Variants in GNB4 observed in about 807,000 individuals in gnomAD.
GNB4 encodes the protein guanine nucleotide-binding protein subunit beta-4.
GNB4 carries 28 observed loss-of-function variants against 45.2 expected under a neutral mutation model. The ratio of observed to expected loss-of-function variants is 0.62; its 90% confidence interval spans 0.46 to 0.85. The LOEUF (loss-of-function observed/expected upper bound fraction) is 0.85, where lower values mean the gene tolerates loss of function less well. Among genes scored for constraint, GNB4 ranks in the 40% least tolerant of loss-of-function variants. The pLI is 0.00. For synonymous variants in GNB4, 132 were observed against 143.7 expected (o/e 0.92, Z 0.58); for missense variants, 321 against 425.4 (o/e 0.75, Z 2.16).
At chr3:179,508,918 CTCTT>C in the GNB4 span, among the ~76,000 whole-genome samples, 1 of 75,768 alleles carries the variant, frequency 1.3e-5, no homozygotes, top group African/African-American at 7.7e-5. Flanking sequence ...ATCAAAACCT[CTCTT>C]TCAGCATGTG....
At chr3:179,422,210 ATAT>A (rs999689647) in intron 2 of GNB4, among the ~76,000 whole-genome samples, 4 of 152,206 alleles carry the variant, frequency 2.6e-5, no homozygotes, top group Non-Finnish European at 4.4e-5. Context: ...AAAAATTAAA[ATAT>A]TATGTTGGAA....
chr3:179,516,837 G>A, the GNB4 span, among the ~76,000 whole-genome samples: 1 of 152,308 alleles, frequency 6.6e-6, no homozygotes, highest in Non-Finnish European at 1.5e-5. Context: ...AGGGACAGAA[G>A]TTGGAATGCT....
rs114059551 is a variant in GNB4 at position 179,432,971 on chromosome 3, T to C, written c.-42-6729A>G. Among the ~76,000 whole-genome samples, 556 of 152,298 alleles carry C rather than the reference T, an allele frequency of 3.7e-3. 1 individual carries two copies. The highest frequency in any genetic ancestry group is 0.012 in the African/African-American group (497 of 41,552). ...CACCCACTACTGAAGAAATCCTCCA[T>C]TGGGTCTTAGCCAGGCGGACTAACT... On this transcript the variant is annotated intron_variant, in intron 1 of 9. Transcript: ENST00000232564.
the GNB4 span, among the ~76,000 whole-genome samples, chr3:179,508,643 T>A: frequency 6.6e-6 from 1 of 152,054 alleles, no homozygotes; most frequent in Non-Finnish European, 1.5e-5. Context: ...ATCCCTAATT[T>A]AAAAAAATTG....
the GNB4 span, among the ~76,000 whole-genome samples, chr3:179,511,592 T>G: frequency 6.6e-6 from 1 of 152,204 alleles, no homozygotes. Context: ...CAGTAAGCAC[T>G]TAACATCTTT....
the GNB4 span, among the ~76,000 whole-genome samples, chr3:179,521,570 A>C: frequency 4.6e-5 from 7 of 152,052 alleles, no homozygotes; most frequent in Non-Finnish European, 5.9e-5. Flanking sequence ...ACTACTCATA[A>C]ATGCCCTGCT....
chr3:179,396,354 T>C lies in GNB4; in HGVS notation c.*4859A>G, dbSNP rs1714112888. 6.6e-6 allele frequency: 1 copy of C among 152,224 alleles called. No individual in the cohort carries two copies. The highest frequency in any genetic ancestry group is 2.4e-5 in the African/African-American group (1 of 41,466). The allele number at this position is 152,224 out of a possible 1,614,324, so 9.4% of individuals were successfully genotyped here. On this transcript the variant is annotated 3_prime_UTR_variant, in exon 10 of 10. Transcript: ENST00000232564. ...TAGGTAAAGACAAACACTTTCAGAA[T>C]GCTTTAACAGAAAAATAATTTTAAT...
At chr3:179,493,883 A>G in the GNB4 span, among the ~76,000 whole-genome samples, 1 of 152,208 alleles carries the variant, frequency 6.6e-6, no homozygotes, top group Admixed American at 6.5e-5. Context: ...GTAGAAAAGG[A>G]AGACATAAGA....
At chr3:179,525,395 G>A in the GNB4 span, among the ~76,000 whole-genome samples, 1 of 152,096 alleles carries the variant, frequency 6.6e-6, no homozygotes, top group East Asian at 1.9e-4. Flanking sequence ...AGAAGAAGGG[G>A]GAATGGAGGG....
chr3:179,456,181 A>G (rs73172225), upstream of GNB4, among the ~76,000 whole-genome samples: 1 of 147,458 alleles, frequency 6.8e-6, no homozygotes, highest in Non-Finnish European at 1.5e-5. Context: ...GCGCAATCTC[A>G]GCTCATTGCA....
At chr3:179,519,363 T>C in the GNB4 span, among the ~76,000 whole-genome samples, 16,827 of 152,114 alleles carry the variant, frequency 0.11, 1,279 homozygotes, top group Non-Finnish European at 0.17. Context: ...TCAAAAGCCC[T>C]CTAGACCATA....
At chr3:179,453,281 C>T (rs980385882), upstream of GNB4, among the ~76,000 whole-genome samples, 3 of 152,138 alleles carry the variant, frequency 2.0e-5, no homozygotes, top group Admixed American at 6.5e-5. Context: ...CCACCACGCC[C>T]GGCTGATTTT....
At chr3:179,419,643 T>A in intron 3 of GNB4, 138 bp from the exon 4 acceptor site, 1 of 636,136 alleles carries the variant, frequency 1.6e-6, no homozygotes, top group South Asian at 1.9e-5. Flanking sequence ...TGTATATAAT[T>A]CCACAGAGCC....
the GNB4 span, among the ~76,000 whole-genome samples, chr3:179,522,813 C>T: frequency 6.6e-6 from 1 of 152,004 alleles, no homozygotes; most frequent in African/African-American, 2.4e-5. Flanking sequence ...AATGTAGGGG[C>T]CAGCCTAAAA....
At chr3:179,462,458 G>C in the GNB4 span, among the ~76,000 whole-genome samples, 1 of 152,166 alleles carries the variant, frequency 6.6e-6, no homozygotes, top group Non-Finnish European at 1.5e-5. Context: ...AAAAACCTAA[G>C]TTCATATCTT....
intron 8 of GNB4, chr3:179,405,638 G>C: frequency 2.4e-6 from 1 of 420,704 alleles, no homozygotes; most frequent in Admixed American, 3.9e-5. Flanking sequence ...TCAGAACACA[G>C]CAAGTATTCA....
At chr3:179,441,203 C>T (rs1194854121) in intron 1 of GNB4, among the ~76,000 whole-genome samples, 5 of 152,178 alleles carry the variant, frequency 3.3e-5, no homozygotes, top group Non-Finnish European at 5.9e-5. Context: ...CATCACTTAA[C>T]GATGGGAATA....
chr3:179,409,458 G>A (rs1447534404), intron 8 of GNB4, among the ~76,000 whole-genome samples: 4 of 150,884 alleles, frequency 2.7e-5, no homozygotes, highest in Non-Finnish European at 4.4e-5. Flanking sequence ...ATTGTGGTGA[G>A]CCAACATCAC....
At chr3:179,485,838 G>C in the GNB4 span, among the ~76,000 whole-genome samples, 1 of 152,170 alleles carries the variant, frequency 6.6e-6, no homozygotes, top group African/African-American at 2.4e-5. Flanking sequence ...TACTCAGGAG[G>C]CTGAGGCAGG....
Sources: gnomAD v4.1 joint callset for allele counts (sites outside exome capture counted in the v4.1 genomes callset) on GRCh38, gnomAD v4.1.1 for gene constraint, MANE v1.5 for transcripts, NCBI Gene and HGNC (gene_info 2026-07-23, HGNC 2026-07-21) for gene names.